PDS5B: variants seen among roughly 807,000 people sequenced by gnomAD.
PDS5B encodes PDS5 cohesin associated factor B.
PDS5B carries 51 observed loss-of-function variants against 184.1 expected under a neutral mutation model. The observed-to-expected ratio is 0.28, with a 90% CI of 0.22 to 0.35. The LOEUF is 0.35. Among genes scored for constraint, PDS5B ranks in the 10% least tolerant of loss-of-function variants. The probability of loss-of-function intolerance (pLI) is 1.00; values close to 1 mark genes in which losing one functional copy is unlikely to be tolerated. For synonymous variants in PDS5B, 566 were observed against 569.2 expected (o/e 0.99, Z 0.08); for missense variants, 1,180 against 1,723.3 (o/e 0.68, Z 5.58).
At chr13:32,610,415 T>G (rs890064764) in intron 1 of PDS5B, among the ~76,000 whole-genome samples, 5 of 152,226 alleles carry the variant, frequency 3.3e-5, no homozygotes, top group Non-Finnish European at 7.3e-5. Context: ...TCTTGATGTA[T>G]TCCAGTAAGT....
intron 1 of PDS5B, among the ~76,000 whole-genome samples, chr13:32,614,628 G>A (rs2058192647): frequency 6.6e-6 from 1 of 152,140 alleles, no homozygotes; most frequent in Admixed American, 6.5e-5. Context: ...TTACTCATCT[G>A]TCTCAAATAT....
chr13:32,716,645 G>A (rs1436832905), intron 19 of PDS5B, among the ~76,000 whole-genome samples: 2 of 129,374 alleles, frequency 1.5e-5, no homozygotes, highest in East Asian at 2.3e-4. Flanking sequence ...CCGGCCAGCC[G>A]CCCCGTTTGG....
chr13:32,627,021 T>TTA (rs1555290868), intron 1 of PDS5B, among the ~76,000 whole-genome samples: 2 of 152,188 alleles, frequency 1.3e-5, no homozygotes, highest in African/African-American at 4.8e-5. Context: ...CACTTTTTTT[T>TTA]ATCACATCAG....
chr13:32,772,819 T>A (rs2141044687), intron 33 of PDS5B, among the ~76,000 whole-genome samples: 1 of 152,066 alleles, frequency 6.6e-6, no homozygotes, highest in East Asian at 1.9e-4. Context: ...GGATTTGAGA[T>A]CTCCATAAGA....
At chr13:32,663,688 A>G (rs536131829) in intron 6 of PDS5B, among the ~76,000 whole-genome samples, 1 of 152,242 alleles carries the variant, frequency 6.6e-6, no homozygotes, top group Non-Finnish European at 1.5e-5. Context: ...AAAGGCAAAC[A>G]TGCTTTAAAA....
chr13:32,593,408 T>G (rs2057806331), intron 1 of PDS5B, among the ~76,000 whole-genome samples: 1 of 152,218 alleles, frequency 6.6e-6, no homozygotes, highest in African/African-American at 2.4e-5. Context: ...TGGCACGATC[T>G]CGGCTCACTG....
intron 10 of PDS5B, among the ~76,000 whole-genome samples, chr13:32,680,219 G>A (rs895295595): frequency 6.6e-6 from 1 of 151,792 alleles, no homozygotes; most frequent in Admixed American, 6.6e-5. Flanking sequence ...AAAGCCCTGA[G>A]TATATGCTTT....
chr13:32,731,114 G>A (rs1034807549), intron 19 of PDS5B, among the ~76,000 whole-genome samples: 3 of 151,958 alleles, frequency 2.0e-5, no homozygotes, highest in Non-Finnish European at 4.4e-5. Context: ...GTTTTTCTGT[G>A]TTTTTGTTGG....
intron 1 of PDS5B, among the ~76,000 whole-genome samples, chr13:32,627,029 C>A (rs2058380880): frequency 1.3e-5 from 2 of 151,970 alleles, no homozygotes; most frequent in African/African-American, 4.8e-5. Flanking sequence ...TTTATCACAT[C>A]AGCTGTCCCA....
At chr13:32,732,253 T>C in intron 20 of PDS5B, 29 bp downstream of exon 20, 3 of 1,502,748 alleles carry the variant, frequency 2.0e-6, no homozygotes, top group Non-Finnish European at 1.8e-6. Flanking sequence ...TCTTGTTTAT[T>C]TCATATGTCA....
chr13:32,665,575 C>A (rs1489914369), intron 6 of PDS5B, among the ~76,000 whole-genome samples: 2 of 105,434 alleles, frequency 1.9e-5, no homozygotes, highest in African/African-American at 7.8e-5. Context: ...GGCGACAGAG[C>A]GAGACTCCGA....
intron 7 of PDS5B, among the ~76,000 whole-genome samples, chr13:32,669,043 G>A (rs1443792197): frequency 6.6e-6 from 1 of 152,110 alleles, no homozygotes; most frequent in Middle Eastern, 3.2e-3. Flanking sequence ...TTCCAATACT[G>A]GTTTCTGCAG....
intron 19 of PDS5B, among the ~76,000 whole-genome samples, chr13:32,725,858 C>T (rs1952879915): frequency 6.6e-6 from 1 of 152,010 alleles, no homozygotes; most frequent in Non-Finnish European, 1.5e-5. Flanking sequence ...ACTTTTTTAG[C>T]TAGTTCTTTT....
Position 32,757,234 on chromosome 13 carries a change from AAAAT to A in PDS5B, c.3057-845_3057-842del, listed in dbSNP as rs1954214448. On this transcript the variant is annotated intron_variant, in intron 26 of 34. Coordinates refer to ENST00000315596, the MANE Select transcript of PDS5B (RefSeq NM_015032.4). Reference sequence around the variant, plus strand: ...TCTTTCTGAGAACATTGGGTTTTTAAAAATAAATAAAACATCCTTTGGAATTTAC... The same window carrying A: ...TCTTTCTGAGAACATTGGGTTTTTAAAAATAAAACATCCTTTGGAATTTAC... Among the ~76,000 whole-genome samples, 3 of 152,182 alleles carry A rather than the reference AAAAT, an allele frequency of 2.0e-5. No individual in the cohort carries two copies. In the South Asian group the frequency reaches 6.2e-4, roughly 31 times the overall value.
chr13:32,715,633 CTCCCTCTCCCTA>C (rs1296544166), intron 19 of PDS5B, among the ~76,000 whole-genome samples: 1 of 151,624 alleles, frequency 6.6e-6, no homozygotes, highest in Non-Finnish European at 1.5e-5. Flanking sequence ...AGCTCTCCCT[CTCCCTCTCCCTA>C]TCCCTCTCCC....
In PDS5B at chr13:32,620,046, G is replaced by A. The variant is rs191061619; in HGVS notation, c.-19-28708G>A. On this transcript the variant is annotated intron_variant, in intron 1 of 34. Transcript: ENST00000315596. ...ACTTCTGACCTCAGGTGATCCACCCGCCTCGGCCTCCCAAAGTGCTAGGAT... is the reference window on the plus strand; with the variant it reads ...ACTTCTGACCTCAGGTGATCCACCCACCTCGGCCTCCCAAAGTGCTAGGAT... 2.0e-3 allele frequency among the ~76,000 whole-genome samples: 299 copies of A among 152,104 alleles called. 1 individual carries two copies. The highest frequency in any genetic ancestry group is 6.6e-3 in the African/African-American group (274 of 41,506).
chr13:32,719,805 T>C (rs1433467684), intron 19 of PDS5B, among the ~76,000 whole-genome samples: 1 of 146,650 alleles, frequency 6.8e-6, no homozygotes, highest in Non-Finnish European at 1.5e-5. Context: ...TTTTTTTTGT[T>C]TGAGACAGGG....
intron 19 of PDS5B, among the ~76,000 whole-genome samples, chr13:32,715,368 T>C (rs1052241224): frequency 1.3e-5 from 2 of 152,346 alleles, no homozygotes; most frequent in African/African-American, 4.8e-5. Context: ...TTTATGCTTT[T>C]CCGTCTGGAA....
At chr13:32,694,493 A>G (rs886511669) in intron 14 of PDS5B, among the ~76,000 whole-genome samples, 189 bp downstream of exon 14, 1 of 151,968 alleles carries the variant, frequency 6.6e-6, no homozygotes, top group South Asian at 2.1e-4. Context: ...AAATGTTTAT[A>G]TCTGCAAAAG....
Sources: gnomAD v4.1 joint callset for allele counts (sites outside exome capture counted in the v4.1 genomes callset) on GRCh38, gnomAD v4.1.1 for gene constraint, MANE v1.5 for transcripts, NCBI Gene and HGNC (gene_info 2026-07-23, HGNC 2026-07-21) for gene names.